EYS: variants seen among roughly 807,000 people sequenced by gnomAD.
EYS encodes the protein EGF-like photoreceptor maintenance factor, also known as protein eyes shut homolog.
In EYS, 250 loss-of-function variants were observed where a neutral mutation model predicts 282.1. That is an observed-to-expected ratio of 0.89 (90% confidence interval 0.80 to 0.98). The LOEUF (loss-of-function observed/expected upper bound fraction) is 0.98, where lower values mean the gene tolerates loss of function less well. EYS is among the 50% of genes least tolerant of loss of function. The probability of loss-of-function intolerance (pLI) is 0.00; values close to 1 mark genes in which losing one functional copy is unlikely to be tolerated. For synonymous variants in EYS, 1,355 were observed against 1,282.9 expected, an observed-to-expected ratio of 1.06 and a Z score of -1.20; for missense variants, 4,016 against 3,709.0, an observed-to-expected ratio of 1.08 and a Z score of -2.15.
chr6:64,516,851 G>A (rs891690660), intron 26 of EYS, among the ~76,000 whole-genome samples: 16 of 151,512 alleles, frequency 1.1e-4, no homozygotes, highest in African/African-American at 2.7e-4. Flanking sequence ...GTAGAAAAAC[G>A]TTTTTAATTT....
At chr6:64,026,816 T>C (rs955552636) in intron 33 of EYS, among the ~76,000 whole-genome samples, 3 of 152,140 alleles carry the variant, frequency 2.0e-5, no homozygotes, top group Admixed American at 6.5e-5. Context: ...TTATGTCCCC[T>C]TCAAGCTGTA....
chr6:64,095,189 T>C (rs57087213), intron 31 of EYS, among the ~76,000 whole-genome samples: 290 of 152,336 alleles, frequency 1.9e-3, no homozygotes, highest in African/African-American at 6.7e-3. Flanking sequence ...TGGTCAATTT[T>C]GGAATAGGTG....
chr6:64,795,223 A>G, intron 22 of EYS, among the ~76,000 whole-genome samples: 1 of 129,474 alleles, frequency 7.7e-6, no homozygotes, highest in East Asian at 2.4e-4. Flanking sequence ...TAACAAGAGC[A>G]AAACTCCGTC....
chr6:63,782,773 T>C (rs1392312775), intron 39 of EYS, among the ~76,000 whole-genome samples: 4 of 152,172 alleles, frequency 2.6e-5, no homozygotes, highest in Non-Finnish European at 5.9e-5. Flanking sequence ...TGATCTTAGT[T>C]ATTTATTGCC....
At chr6:64,349,110 C>G (rs960658017) in intron 29 of EYS, among the ~76,000 whole-genome samples, 3 of 151,230 alleles carry the variant, frequency 2.0e-5, no homozygotes, top group Non-Finnish European at 4.4e-5. Flanking sequence ...TCATCAACAT[C>G]AGCAAATTAT....
chr6:65,488,736 G>A (rs994891311), intron 5 of EYS, among the ~76,000 whole-genome samples: 3 of 152,036 alleles, frequency 2.0e-5, no homozygotes, highest in African/African-American at 7.2e-5. Context: ...TTACTACAAG[G>A]CTACAGTAAC....
chr6:64,055,796 A>G (rs1435227363), intron 33 of EYS, among the ~76,000 whole-genome samples: 3 of 152,154 alleles, frequency 2.0e-5, no homozygotes, highest in Non-Finnish European at 4.4e-5. Context: ...AACAGTCGCT[A>G]ACACAGGGAA....
intron 28 of EYS, among the ~76,000 whole-genome samples, chr6:64,389,174 G>A (rs1012713799): frequency 6.6e-6 from 1 of 152,060 alleles, no homozygotes; most frequent in Non-Finnish European, 1.5e-5. Flanking sequence ...TTCTGTATGA[G>A]TGAAAAATAT....
chr6:65,522,815 T>C (rs1178659468), intron 2 of EYS, among the ~76,000 whole-genome samples: 3 of 152,182 alleles, frequency 2.0e-5, no homozygotes, highest in Non-Finnish European at 4.4e-5. Context: ...TGAAAATTTT[T>C]ATAATAACTG....
At chr6:64,666,186 C>G (rs1357845589) in intron 22 of EYS, among the ~76,000 whole-genome samples, 1 of 152,168 alleles carries the variant, frequency 6.6e-6, no homozygotes, top group Non-Finnish European at 1.5e-5. Context: ...CAGCAAATCA[C>G]TGTGATGTGA....
chr6:64,180,630 A>G (rs1162875635), intron 31 of EYS, among the ~76,000 whole-genome samples: 2 of 151,932 alleles, frequency 1.3e-5, no homozygotes, highest in African/African-American at 2.4e-5. Flanking sequence ...CTTTATGTCT[A>G]TGTTTACCCA....
rs550319542 is a variant in EYS at position 64,401,140 on chromosome 6, G to C, written c.5928-12300C>G. ...AAAGACTAAGGAGATAGATGAAATA[G>C]GCAAATTCTGTAGATAAATATTCAA... On this transcript the variant is annotated intron_variant, in intron 28 of 42. Transcript: ENST00000503581. Among the ~76,000 whole-genome samples, 15 of 152,122 alleles carry C rather than the reference G, an allele frequency of 9.9e-5. 1 individual carries two copies. The highest frequency in any genetic ancestry group is 6.2e-4 in the South Asian group (3 of 4,828).
At chr6:65,433,473 T>G (rs1767957340) in intron 5 of EYS, among the ~76,000 whole-genome samples, 1 of 152,176 alleles carries the variant, frequency 6.6e-6, no homozygotes. Flanking sequence ...CTCTTTTCAG[T>G]GCTTTAAATT....
intron 31 of EYS, among the ~76,000 whole-genome samples, chr6:64,180,861 A>G (rs1017715413): frequency 6.6e-6 from 1 of 152,128 alleles, no homozygotes; most frequent in East Asian, 1.9e-4. Context: ...TCACATTGGC[A>G]TATTGAGTGA....
At chr6:64,302,055 C>T (rs539730165) in intron 30 of EYS, among the ~76,000 whole-genome samples, 1 of 152,320 alleles carries the variant, frequency 6.6e-6, no homozygotes, top group African/African-American at 2.4e-5. Flanking sequence ...TTTCCTCTGA[C>T]TTCACCAATT....
In EYS at chr6:63,892,326, A is replaced by AC. The variant is rs1445537263; in HGVS notation, c.7056-27969_7056-27968insG. Among the ~76,000 whole-genome samples the AC allele has an allele frequency of 6.8e-3, 1,035 of 152,286 alleles. 11 individuals are homozygous for AC. The highest frequency in any genetic ancestry group is 0.023 in the African/African-American group (948 of 41,556). Reference sequence around the variant, plus strand: ...GAGGCATCACACTACCTGACTTCAAATTAATCTACAAGGCTACAGTAACCA... The same window carrying AC: ...GAGGCATCACACTACCTGACTTCAAACTTAATCTACAAGGCTACAGTAACCA... On this transcript the variant is annotated intron_variant, in intron 35 of 42. Transcript: ENST00000503581.
chr6:63,799,379 T>C (rs1039369218), intron 37 of EYS, among the ~76,000 whole-genome samples: 7 of 152,178 alleles, frequency 4.6e-5, no homozygotes, highest in African/African-American at 1.7e-4. Context: ...TTTTAACTTA[T>C]ATTTCAATGA....
intron 33 of EYS, among the ~76,000 whole-genome samples, chr6:64,001,779 A>G (rs1443965608): frequency 6.6e-6 from 1 of 152,246 alleles, no homozygotes; most frequent in Non-Finnish European, 1.5e-5. Flanking sequence ...ATTACATAAT[A>G]TAATTTTAAT....
At chr6:64,271,932 T>G (rs893929980) in intron 30 of EYS, among the ~76,000 whole-genome samples, 2 of 152,148 alleles carry the variant, frequency 1.3e-5, no homozygotes, top group Admixed American at 6.6e-5. Flanking sequence ...CTCTGTGTCC[T>G]GGTTTCAAGC....
Sources: allele counts gnomAD v4.1 joint callset (sites outside exome capture counted in the v4.1 genomes callset), GRCh38; gene constraint gnomAD v4.1.1; transcripts MANE v1.5; gene names NCBI Gene and HGNC (gene_info 2026-07-23, HGNC 2026-07-21).